Variants in HS6ST3 observed in about 807,000 individuals in gnomAD.
HS6ST3 encodes the protein heparan sulfate 6-O-sulfotransferase 3.
Under a neutral mutation model 36.7 loss-of-function variants are expected in HS6ST3, and 12 were observed. That is an observed-to-expected ratio of 0.33 (90% CI 0.21 to 0.53). The LOEUF is 0.53. HS6ST3 is among the 20% of genes least tolerant of loss of function. The probability of loss-of-function intolerance (pLI) is 0.95; values close to 1 mark genes in which losing one functional copy is unlikely to be tolerated. For synonymous variants in HS6ST3, 240 were observed against 257.5 expected, an observed-to-expected ratio of 0.93 and a Z score of 0.65; for missense variants, 584 against 640.9, an observed-to-expected ratio of 0.91 and a Z score of 0.96.
At chr13:96,765,057 T>C (rs1378390879) in intron 1 of HS6ST3, among the ~76,000 whole-genome samples, 1 of 146,036 alleles carries the variant, frequency 6.8e-6, no homozygotes, top group Non-Finnish European at 1.5e-5. Context: ...TCTTTGTTTC[T>C]TTCTTTTTTT....
At chr13:96,109,103 G>C (rs1424379928) in intron 1 of HS6ST3, among the ~76,000 whole-genome samples, 1 of 152,180 alleles carries the variant, frequency 6.6e-6, no homozygotes, top group Non-Finnish European at 1.5e-5. Flanking sequence ...CTTTATGGGG[G>C]AGAAAGCAGA....
At chr13:96,734,965 C>A (rs1876245946) in intron 1 of HS6ST3, among the ~76,000 whole-genome samples, 2 of 152,004 alleles carry the variant, frequency 1.3e-5, no homozygotes, top group South Asian at 2.1e-4. Flanking sequence ...TCTTCTAGAA[C>A]AAACTCTGGC....
At chr13:96,475,405 C>T (rs930876420) in intron 1 of HS6ST3, among the ~76,000 whole-genome samples, 4 of 152,012 alleles carry the variant, frequency 2.6e-5, no homozygotes, top group African/African-American at 7.2e-5. Flanking sequence ...AGGCTTTGGG[C>T]ACTAATACAA....
At position 96,637,575 on chromosome 13, in the gene HS6ST3, G is replaced by GA. The variant is rs569183368; in HGVS notation, c.708-194914dup. On this transcript the variant is annotated intron_variant, in intron 1 of 1. Transcript: ENST00000376705. Reference sequence around the variant, plus strand: ...CTAGCTTGTATTAGTATTAAGGCAAGAGATGAACAAGGCAGGTGATAGATG... The same window carrying GA: ...CTAGCTTGTATTAGTATTAAGGCAAGAAGATGAACAAGGCAGGTGATAGATG... Among the ~76,000 whole-genome samples the GA allele has an allele frequency of 4.0e-3, 612 of 152,186 alleles. 6 individuals carry two copies. Among genetic ancestry groups the GA allele is most frequent in the Admixed American group, 7.1e-3 (109 of 15,278 alleles).
intron 1 of HS6ST3, among the ~76,000 whole-genome samples, chr13:96,361,252 C>T (rs897605139): frequency 2.0e-5 from 3 of 152,126 alleles, no homozygotes; most frequent in Non-Finnish European, 2.9e-5. Flanking sequence ...CATGGCTCAT[C>T]CATAGAAGAC....
intron 1 of HS6ST3, among the ~76,000 whole-genome samples, chr13:96,398,901 G>A (rs1044664550): frequency 7.2e-5 from 11 of 152,220 alleles, no homozygotes; most frequent in Non-Finnish European, 1.3e-4. Context: ...CCAGCAACTA[G>A]ACAGAGACCT....
intron 1 of HS6ST3, among the ~76,000 whole-genome samples, chr13:96,807,882 G>T (rs74356575): frequency 2.1e-5 from 3 of 144,652 alleles, no homozygotes; most frequent in Non-Finnish European, 4.6e-5. Context: ...AAAAAAAAAA[G>T]TGTAGCATTA....
chr13:96,402,895 AG>A (rs1428608576), intron 1 of HS6ST3, among the ~76,000 whole-genome samples: 2 of 152,216 alleles, frequency 1.3e-5, no homozygotes, highest in African/African-American at 4.8e-5. Context: ...CACCATTTTG[AG>A]GATATATGTT....
At chr13:96,218,627 C>T (rs1239271079) in intron 1 of HS6ST3, among the ~76,000 whole-genome samples, 1 of 152,088 alleles carries the variant, frequency 6.6e-6, no homozygotes, top group African/African-American at 2.4e-5. Context: ...GAGATGGAAA[C>T]TGCCAGGAAG....
At chr13:96,536,102 C>A (rs184886487) in intron 1 of HS6ST3, among the ~76,000 whole-genome samples, 77 of 152,230 alleles carry the variant, frequency 5.1e-4, no homozygotes, top group Non-Finnish European at 9.6e-4. Flanking sequence ...ATGTGTACCC[C>A]CATGCTTAAA....
chr13:96,294,769 A>C (rs2054846696), intron 1 of HS6ST3, among the ~76,000 whole-genome samples: 1 of 152,096 alleles, frequency 6.6e-6, no homozygotes, highest in Non-Finnish European at 1.5e-5. Context: ...AACTATTTAG[A>C]TTCTTTTAAA....
intron 1 of HS6ST3, among the ~76,000 whole-genome samples, chr13:96,213,530 T>G (rs1293004149): frequency 7.4e-6 from 1 of 134,594 alleles, no homozygotes; most frequent in African/African-American, 3.2e-5. Flanking sequence ...TAGGACAATT[T>G]TTTTTTTTTT....
rs137864387 is a variant in HS6ST3, at chr13:96,346,296, T to C, written c.707+254727T>C. Among the ~76,000 whole-genome samples the C allele has an allele frequency of 1.1e-3, 166 of 152,250 alleles. 4 individuals carry two copies. The East Asian group carries it at 0.023, about 21-fold the overall frequency. ...TATTACTTAAAATAACAAAGCTGGC[T>C]GGGTGCGGTGGCTCATGCCTGTAAT... On this transcript the variant is annotated intron_variant, in intron 1 of 1. Transcript: ENST00000376705.
chr13:96,282,594 C>T lies in HS6ST3; in HGVS notation c.707+191025C>T, dbSNP rs568115927. 5.9e-5 allele frequency among the ~76,000 whole-genome samples: 9 copies of T among 152,302 alleles called. No homozygotes were observed. In the South Asian group the frequency reaches 1.5e-3, roughly 25 times the overall value. On this transcript the variant is annotated intron_variant, in intron 1 of 1. Coordinates refer to ENST00000376705, the MANE Select transcript of HS6ST3 (RefSeq NM_153456.4). ...CCTACATCTTTGGCGTACAATATCT[C>T]ATTAAAATATTTAGTTTATTCTATT...
intron 1 of HS6ST3, among the ~76,000 whole-genome samples, chr13:96,532,007 G>A (rs971712438): frequency 7.2e-5 from 11 of 152,234 alleles, no homozygotes; most frequent in African/African-American, 1.7e-4. Flanking sequence ...TCCCAAAGCC[G>A]ATGTGTTAGA....
chr13:96,668,233 C>T (rs76979862), intron 1 of HS6ST3, among the ~76,000 whole-genome samples: 1 of 151,924 alleles, frequency 6.6e-6, no homozygotes, highest in Non-Finnish European at 1.5e-5. Flanking sequence ...GAATTTGAAC[C>T]CTGGCAATCT....
At chr13:96,632,373 G>T (rs953698075) in intron 1 of HS6ST3, among the ~76,000 whole-genome samples, 48 of 151,074 alleles carry the variant, frequency 3.2e-4, no homozygotes, top group African/African-American at 1.1e-3. Flanking sequence ...AGGGCATTTT[G>T]TTACAGCAGC....
intron 1 of HS6ST3, among the ~76,000 whole-genome samples, chr13:96,797,184 T>C (rs919404992): frequency 2.6e-5 from 4 of 151,976 alleles, no homozygotes; most frequent in Non-Finnish European, 5.9e-5. Flanking sequence ...ACAAGGGAGA[T>C]TTTAGGCTGC....
At chr13:96,379,649 G>T (rs1174262279) in intron 1 of HS6ST3, among the ~76,000 whole-genome samples, 1 of 152,198 alleles carries the variant, frequency 6.6e-6, no homozygotes, top group Non-Finnish European at 1.5e-5. Flanking sequence ...ATCCTCAAAA[G>T]AGGCAGATCT....
Sources: gnomAD v4.1 joint callset for allele counts (sites outside exome capture counted in the v4.1 genomes callset) on GRCh38, gnomAD v4.1.1 for gene constraint, MANE v1.5 for transcripts, NCBI Gene and HGNC (gene_info 2026-07-23, HGNC 2026-07-21) for gene names.